RAET1G: variants seen among roughly 807,000 people sequenced by gnomAD.
RAET1G encodes retinoic acid early transcript 1G.
In RAET1G, 25 loss-of-function variants were observed where a neutral mutation model predicts 29.5. The observed-to-expected ratio is 0.85, with a 90% CI of 0.62 to 1.18. The LOEUF (loss-of-function observed/expected upper bound fraction) is 1.18, where lower values mean the gene tolerates loss of function less well. Among genes scored for constraint, RAET1G ranks in the 50% most tolerant of loss-of-function variants. The pLI, the probability that RAET1G is intolerant of heterozygous loss-of-function variation, is 0.00. For synonymous variants in RAET1G, 167 were observed against 159.5 expected, an observed-to-expected ratio of 1.05 and a Z score of -0.36; for missense variants, 434 against 423.6, an observed-to-expected ratio of 1.02 and a Z score of -0.22.
rs190733177 is a variant in RAET1G, at chr6:149,920,607, G to T, written c.86-791C>A. Reference sequence around the variant, plus strand: ...CCTATTGCTGAAGGCCAGGGTTGGGGGTAGGAGATGCTCTTCCTGAAATGG... The same window carrying T: ...CCTATTGCTGAAGGCCAGGGTTGGGTGTAGGAGATGCTCTTCCTGAAATGG... On this transcript the variant is annotated intron_variant, in intron 1 of 4. Coordinates refer to ENST00000367360, the MANE Select transcript of RAET1G (RefSeq NM_001001788.4). 7.6e-4 allele frequency among the ~76,000 whole-genome samples: 115 copies of T among 152,272 alleles called. 3 individuals are homozygous for T. In the East Asian group the frequency reaches 0.014, roughly 19 times the overall value.
chr6:149,919,082 A>C lies in RAET1G; in HGVS notation c.592T>G (p.Leu198Val). Reference protein sequence around the residue: ...GDCTGWLEDFLMGMDSTLEPS... With the variant: ...GDCTGWLEDFVMGMDSTLEPS... ...TCCAGGGTGCTGTCCATGCCCATCA[A>C]GAAGTCCTCAAGCCATCCTGTGCAG... is the stretch of plus-strand genomic sequence containing the variant. The change falls in exon 3 of 5, where the codon TTG becomes GTG. Residue 198 changes from leucine (L) to valine (V), a missense_variant. Transcript: ENST00000367360. 6.2e-7 allele frequency: 1 copy of C among 1,614,134 alleles called. No individual in the cohort carries two copies. Among genetic ancestry groups the C allele is most frequent in the Middle Eastern group, 1.6e-4 (1 of 6,062 alleles).
chr6:149,922,196 G>A (rs1330254907), intron 1 of RAET1G, among the ~76,000 whole-genome samples: 2 of 152,210 alleles, frequency 1.3e-5, no homozygotes, highest in Non-Finnish European at 2.9e-5. Flanking sequence ...CCCCTGCACA[G>A]GTTCTGTGGG....
intron 1 of RAET1G, among the ~76,000 whole-genome samples, 195 bp from the exon 2 acceptor site, chr6:149,920,011 G>A (rs1243362137): frequency 6.6e-6 from 1 of 152,212 alleles, no homozygotes; most frequent in Non-Finnish European, 1.5e-5. Context: ...GGAGGAGGAG[G>A]TCCCTGCCTG....
intron 1 of RAET1G, among the ~76,000 whole-genome samples, chr6:149,922,367 T>C (rs1778615739): frequency 6.6e-6 from 1 of 151,400 alleles, no homozygotes; most frequent in Non-Finnish European, 1.5e-5. Context: ...GTGGTGGCAG[T>C]GGATGGTGAG....
In RAET1G at chr6:149,916,936, C is replaced by A. The variant is rs1360733146; in HGVS notation, c.981G>T (p.Glu327Asp). ...TINNGAARYS[E>D]PLQVSIS ...ATCAAGATATGGAGACCTGTAGTGG[C>A]TCCGAATACCTGGCTGCGCCGTTAT... The change falls in exon 5 of 5, where the codon GAG (glutamate) becomes GAT (aspartate). Residue 327 changes from glutamate (E) to aspartate (D), a missense_variant. By Grantham distance (45) the Glu-to-Asp change is conservative. Coordinates refer to ENST00000367360, the MANE Select transcript of RAET1G (RefSeq NM_001001788.4). 9 of 1,544,440 alleles carry A rather than the reference C, an allele frequency of 5.8e-6. No homozygotes were observed. Among genetic ancestry groups the A allele is most frequent in the Non-Finnish European group, 8.7e-7 (1 of 1,143,522 alleles).
At chr6:149,922,485 T>C (rs1340165354) in intron 1 of RAET1G, among the ~76,000 whole-genome samples, 3 of 152,064 alleles carry the variant, frequency 2.0e-5, no homozygotes, top group Non-Finnish European at 4.4e-5. Context: ...GGAAGGTTTG[T>C]GTGGTTGAGA....
rs780132617 is a variant in RAET1G, at chr6:149,918,351, G to T, written c.665C>A (p.Pro222His). Reference sequence around the variant, plus strand: ...GATGAGGGTGGTGGCCGTGGCCCTGGGTTGGGCTGTGCCTGAGGACATGGT... The same window carrying T: ...GATGAGGGTGGTGGCCGTGGCCCTGTGTTGGGCTGTGCCTGAGGACATGGT... ...PPTMSSGTAQPRATATTLILC... is the reference protein window; with the variant it reads ...PPTMSSGTAQHRATATTLILC... Residue 222 changes from proline (P) to histidine (H), a missense_variant, in exon 4 of 5, where the codon CCC becomes CAC. Coordinates refer to ENST00000367360, the MANE Select transcript of RAET1G (RefSeq NM_001001788.4). The T allele has an allele frequency of 3.7e-6, 6 of 1,614,088 alleles. No homozygotes were observed. Among genetic ancestry groups the T allele is most frequent in the Non-Finnish European group, 4.2e-6 (5 of 1,179,972 alleles).
rs1423124471 is a variant in RAET1G at position 149,919,105 on chromosome 6, CA to C, written c.568del (p.Cys190AlafsTer9). The C allele has an allele frequency of 6.2e-7, 1 of 1,614,070 alleles. No individual in the cohort carries two copies. ...MSFHYISMGD[C>X]TGWLEDFLMG... The stretch of plus-strand genomic sequence containing the variant: ...CAAGAAGTCCTCAAGCCATCCTGTG[CA>C]GTCTCCCATTGAGATGTAATGGAAG... On this transcript the variant is annotated frameshift_variant, in exon 3 of 5. Transcript: ENST00000367360. LOFTEE classifies it high-confidence loss of function.
intron 3 of RAET1G, 63 bp downstream of exon 3, chr6:149,918,980 T>C (rs983607935): frequency 3.1e-6 from 5 of 1,595,474 alleles, no homozygotes; most frequent in Non-Finnish European, 4.3e-6. Flanking sequence ...ACTCAAGAAT[T>C]AGTTTCTTGA....
chr6:149,921,500 G>A (rs1434131447), intron 1 of RAET1G, among the ~76,000 whole-genome samples: 1 of 152,198 alleles, frequency 6.6e-6, no homozygotes, highest in African/African-American at 2.4e-5. Flanking sequence ...AGAGAGGTCT[G>A]GCAGTGAGAA....
At chr6:149,921,101 A>G (rs550262623) in intron 1 of RAET1G, among the ~76,000 whole-genome samples, 3 of 152,352 alleles carry the variant, frequency 2.0e-5, no homozygotes, top group Non-Finnish European at 4.4e-5. Context: ...TATGAAGGGC[A>G]ATTTTGTAAA....
At position 149,917,054 on chromosome 6, in the gene RAET1G, G is replaced by A. The variant is rs1406154460; in HGVS notation, c.863C>T (p.Pro288Leu). 6.5e-7 allele frequency: 1 copy of A among 1,548,654 alleles called. No individual in the cohort carries two copies. Among genetic ancestry groups the A allele is most frequent in the Non-Finnish European group, 8.7e-7 (1 of 1,145,678 alleles). ...WSDSYQIAKR[P>L]LSGGHVTRVT... ...GCGAGTCACGTGTCCACCAGACAAG[G>A]GGCGCTTCGCTATTTGGTAGCTGAG... Residue 288 changes from proline (P) to leucine (L), a missense_variant, in exon 5 of 5, where the codon CCC becomes CTC. By Grantham distance (98) the Pro-to-Leu change is moderately conservative. Coordinates refer to ENST00000367360, the MANE Select transcript of RAET1G (RefSeq NM_001001788.4).
chr6:149,922,854 C>G, intron 1 of RAET1G, 72 bp downstream of exon 1: 1 of 1,113,430 alleles, frequency 9.0e-7, no homozygotes, highest in South Asian at 1.5e-5. Context: ...AGCCTCCCCT[C>G]CTCTGAAGCC....
chr6:149,921,963 C>A (rs1778608465), intron 1 of RAET1G, among the ~76,000 whole-genome samples: 2 of 152,166 alleles, frequency 1.3e-5, no homozygotes, highest in South Asian at 4.1e-4. Flanking sequence ...AGGGACAGGA[C>A]TGGACACTGA....
chr6:149,919,272 G>A lies in RAET1G; in HGVS notation c.402C>T (p.His134=), dbSNP rs549005879. The change falls in exon 3 of 5, where the codon CAC becomes CAT. Residue 134 remains histidine (H), a synonymous_variant. Transcript: ENST00000367360. ...RMSCEQKAEG[H]GSGSWQLSFD... is the part of the protein sequence containing the mutation. ...AACTGAGCTGCCAAGATCCACTGCC[G>A]TGTCCTTCGGCTTTCTGCTCACAAG... The A allele has an allele frequency of 3.8e-5, 61 of 1,614,208 alleles. 1 individual carries two copies. The highest frequency in any genetic ancestry group is 2.4e-4 in the South Asian group (22 of 91,082).
intron 1 of RAET1G, among the ~76,000 whole-genome samples, chr6:149,920,571 G>A (rs1262338319): frequency 6.6e-6 from 1 of 152,192 alleles, no homozygotes; most frequent in Non-Finnish European, 1.5e-5. Flanking sequence ...ATGGGATGAA[G>A]CTCAGGGATG....
At position 149,918,222 on chromosome 6, in the gene RAET1G, G is replaced by C; in HGVS notation, c.794C>G (p.Pro265Arg). Residue 265 changes from proline to arginine, a missense_variant, in exon 4 of 5, where the codon CCC becomes CGC. By Grantham distance (103) the Pro-to-Arg change is moderately radical. Transcript: ENST00000367360. ...PQSLQPPPHP[P>R]LLHPTWLLRR... ...CAGCAGCCAGGTAGGATGAAGCAGG[G>C]GAGGATGAGGAGGAGGCTGCAGGGA... The C allele has an allele frequency of 1.2e-6, 2 of 1,614,198 alleles. No individual in the cohort carries two copies. The highest frequency in any genetic ancestry group is 1.7e-6 in the Non-Finnish European group (2 of 1,180,030).
At chr6:149,922,705 G>T (rs562141068) in intron 1 of RAET1G, among the ~76,000 whole-genome samples, 6 of 152,314 alleles carry the variant, frequency 3.9e-5, no homozygotes, top group Admixed American at 1.3e-4. Flanking sequence ...CTCTCCGGGG[G>T]TTCCTTTCCA....
chr6:149,919,559 G>A lies in RAET1G; in HGVS notation c.343C>T (p.Pro115Ser), dbSNP rs776159616. ...LLDIQLENYI[P>S]KEPLTLQARM... is the part of the protein sequence containing the mutation. ...TGGGCCATCTGAAACTTACCCTTGGGTATGTAATTCTCCAGCTGAATGTCA... is the reference window on the plus strand; with the variant it reads ...TGGGCCATCTGAAACTTACCCTTGGATATGTAATTCTCCAGCTGAATGTCA... The change falls in exon 2 of 5, where the codon CCC becomes TCC. Residue 115 changes from proline to serine, a missense_variant. Transcript: ENST00000367360. 3.7e-6 allele frequency: 6 copies of A among 1,614,010 alleles called. No homozygotes were observed. Among genetic ancestry groups the A allele is most frequent in the Non-Finnish European group, 5.1e-6 (6 of 1,179,876 alleles).
Sources: gnomAD v4.1 joint callset for allele counts (sites outside exome capture counted in the v4.1 genomes callset) on GRCh38, gnomAD v4.1.1 for gene constraint, MANE v1.5 for transcripts, NCBI Gene and HGNC (gene_info 2026-07-23, HGNC 2026-07-21) for gene names.